LINGO1: variants seen among roughly 807,000 people sequenced by gnomAD.
The protein encoded by LINGO1 is leucine-rich repeat and immunoglobulin-like domain-containing nogo receptor-interacting protein 1.
A neutral mutation model predicts 37.3 loss-of-function variants in LINGO1; 11 were observed. The ratio of observed to expected loss-of-function variants is 0.29; its 90% CI spans 0.19 to 0.49. LINGO1 has a LOEUF of 0.49. LINGO1 is among the 20% of genes least tolerant of loss of function. The probability of loss-of-function intolerance (pLI) is 0.99; values close to 1 mark genes in which losing one functional copy is unlikely to be tolerated. For missense variants in LINGO1, 585 were observed against 878.2 expected, an observed-to-expected ratio of 0.67 and a Z score of 4.22; for synonymous variants, 387 against 403.0, an observed-to-expected ratio of 0.96 and a Z score of 0.48.
chr15:77,702,975 G>C (rs146441358), intron 2 of LINGO1, among the ~76,000 whole-genome samples: 415 of 152,350 alleles, frequency 2.7e-3, no homozygotes, highest in Non-Finnish European at 4.4e-3. Flanking sequence ...CGGCCACACA[G>C]AGGGGACTGG....
intron 2 of LINGO1, among the ~76,000 whole-genome samples, chr15:77,732,399 C>T (rs1190565333): frequency 6.6e-6 from 1 of 152,238 alleles, no homozygotes; most frequent in East Asian, 1.9e-4. Context: ...TAACACCCAC[C>T]CCCGTGGTTC....
At chr15:77,792,269 G>A (rs1449128717) in intron 2 of LINGO1, among the ~76,000 whole-genome samples, 1 of 152,162 alleles carries the variant, frequency 6.6e-6, no homozygotes, top group Non-Finnish European at 1.5e-5. Flanking sequence ...CGCCTTCAAA[G>A]TCTCCAAACG....
intron 1 of LINGO1, among the ~76,000 whole-genome samples, chr15:77,800,744 G>A (rs967379259): frequency 3.9e-5 from 6 of 152,156 alleles, no homozygotes; most frequent in Non-Finnish European, 7.3e-5. Context: ...CATCCGTACA[G>A]CAAAAGACAC....
intron 2 of LINGO1, among the ~76,000 whole-genome samples, chr15:77,716,256 G>C (rs2075982730): frequency 7.1e-6 from 1 of 140,356 alleles, no homozygotes; most frequent in African/African-American, 2.5e-5. Context: ...CCCACTTTGG[G>C]CTATTTTCTT....
chr15:77,789,520 T>C (rs957718899), upstream of LINGO1, among the ~76,000 whole-genome samples: 1 of 152,078 alleles, frequency 6.6e-6, no homozygotes, highest in Non-Finnish European at 1.5e-5. Flanking sequence ...GGCACGAGAA[T>C]TGCTTGAACC....
At chr15:77,623,063 C>A (rs144385742) in intron 1 of LINGO1, among the ~76,000 whole-genome samples, 439 of 152,286 alleles carry the variant, frequency 2.9e-3, no homozygotes, top group Non-Finnish European at 4.5e-3. Flanking sequence ...TGCCTGCAGA[C>A]GCACCCACAT....
At chr15:77,689,581 C>G (rs1051114910) in intron 2 of LINGO1, among the ~76,000 whole-genome samples, 11 of 152,164 alleles carry the variant, frequency 7.2e-5, no homozygotes, top group African/African-American at 2.4e-4. Flanking sequence ...TACAGGGGCC[C>G]AAAAGCCCGA....
intron 2 of LINGO1, among the ~76,000 whole-genome samples, chr15:77,730,921 GA>G (rs2076148648): frequency 6.6e-6 from 1 of 152,200 alleles, no homozygotes; most frequent in Non-Finnish European, 1.5e-5. Flanking sequence ...TGCCCACTGA[GA>G]AAAACCAGAG....
chr15:77,664,483 TC>T (rs930337971), intron 3 of LINGO1, among the ~76,000 whole-genome samples: 7 of 151,940 alleles, frequency 4.6e-5, no homozygotes, highest in Non-Finnish European at 8.8e-5. Context: ...CGAGGCAACG[TC>T]CCATAGGTTC....
At chr15:77,701,166 A>C (rs917179377), upstream of LINGO1, among the ~76,000 whole-genome samples, 1 of 152,190 alleles carries the variant, frequency 6.6e-6, no homozygotes, top group African/African-American at 2.4e-5. Flanking sequence ...TCTGGTTCTA[A>C]AGGACAAGGA....
upstream of LINGO1, among the ~76,000 whole-genome samples, chr15:77,791,878 TA>T (rs938439707): frequency 6.6e-6 from 1 of 152,018 alleles, no homozygotes; most frequent in Non-Finnish European, 1.5e-5. Flanking sequence ...TCCAGGCTGG[TA>T]AATCAGGGGA....
chr15:77,656,096 G>A (rs2074859637), intron 3 of LINGO1, among the ~76,000 whole-genome samples: 1 of 152,220 alleles, frequency 6.6e-6, no homozygotes, highest in East Asian at 1.9e-4. Flanking sequence ...GGGGACAGGG[G>A]TGACAGTAAG....
intron 2 of LINGO1, among the ~76,000 whole-genome samples, chr15:77,707,821 C>T (rs2075870869): frequency 6.6e-6 from 1 of 152,152 alleles, no homozygotes; most frequent in Non-Finnish European, 1.5e-5. Context: ...CAGGCAGGAG[C>T]ACAGGCACCA....
intron 1 of LINGO1, among the ~76,000 whole-genome samples, chr15:77,775,178 C>T (rs1050779848): frequency 1.3e-5 from 2 of 152,160 alleles, no homozygotes; most frequent in Admixed American, 6.5e-5. Flanking sequence ...ACTCCCTCTC[C>T]AGTCTCCTTG....
At chr15:77,776,556 G>GCA (rs2076656593) in intron 1 of LINGO1, among the ~76,000 whole-genome samples, 1 of 150,656 alleles carries the variant, frequency 6.6e-6, no homozygotes, top group African/African-American at 2.4e-5. Flanking sequence ...GAGGGAGGGA[G>GCA]GGAGCTGACT....
chr15:77,810,887 G>A (rs927218716), intron 1 of LINGO1, among the ~76,000 whole-genome samples: 18 of 152,172 alleles, frequency 1.2e-4, no homozygotes, highest in Non-Finnish European at 2.2e-4. Flanking sequence ...GTCCAGGCTC[G>A]GGCAGGAGGC....
Position 77,632,250 on chromosome 15 carries a change from C to T in LINGO1, c.6+60G>A. 1 of 1,333,756 alleles carries T rather than the reference C, an allele frequency of 7.5e-7. No homozygotes were observed. Among genetic ancestry groups the T allele is most frequent in the Non-Finnish European group, 9.5e-7 (1 of 1,048,178 alleles). 82.6% of individuals were successfully genotyped at this position (1,333,756 alleles called of 1,614,324 possible). A position where few individuals can be genotyped will look rare whatever the true frequency, so the allele number is the denominator to read the frequency against. The stretch of plus-strand genomic sequence containing the variant: ...GGCGCAGCCAGGGCCGATGGCGGCC[C>T]CCAGGGGCACTCGCCGCGGGGCTGC... On this transcript the variant is annotated intron_variant, in intron 1 of 1. Coordinates refer to ENST00000355300, the MANE Select transcript of LINGO1 (RefSeq NM_032808.7). The surrounding 1 kb of genome is among the most constrained non-coding windows in gnomAD (Gnocchi z 6.0).
In LINGO1 at chr15:77,804,734, G is replaced by A. The variant is rs955760006; in HGVS notation, c.-457-8681C>T. On this transcript the variant is annotated intron_variant, in intron 1 of 5. Transcript: ENST00000562933. Reference sequence around the variant, plus strand: ...CAGTGGCCTGAGGCCCACTTCTCTCGTCCTCCTGCTTCCCAGCTGCAGCAG... The same window carrying A: ...CAGTGGCCTGAGGCCCACTTCTCTCATCCTCCTGCTTCCCAGCTGCAGCAG... 3.9e-5 allele frequency among the ~76,000 whole-genome samples: 6 copies of A among 152,204 alleles called. 1 individual carries two copies. The highest frequency in any genetic ancestry group is 9.6e-5 in the African/African-American group (4 of 41,456).
At chr15:77,625,430 G>A (rs1321274294) in intron 1 of LINGO1, among the ~76,000 whole-genome samples, 1 of 152,208 alleles carries the variant, frequency 6.6e-6, no homozygotes, top group East Asian at 1.9e-4. Context: ...GAAGCACAAA[G>A]AGGTTCCATA....
Sources: allele counts gnomAD v4.1 joint callset (sites outside exome capture counted in the v4.1 genomes callset), GRCh38; gene constraint gnomAD v4.1.1; non-coding constraint Gnocchi (gnomAD v3.1); transcripts MANE v1.5; gene names NCBI Gene and HGNC (gene_info 2026-07-23, HGNC 2026-07-21).